KANK1: variants seen among roughly 807,000 people sequenced by gnomAD.
KANK1 encodes KN motif and ankyrin repeat domains 1, also known as KN motif and ankyrin repeat domain-containing protein 1.
A neutral mutation model predicts 106.2 loss-of-function variants in KANK1; 109 were observed. The ratio of observed to expected loss-of-function variants is 1.03; its 90% CI spans 0.88 to 1.20. The LOEUF (loss-of-function observed/expected upper bound fraction) is 1.20, where lower values mean the gene tolerates loss of function less well. Ranked by LOEUF, KANK1 falls within the 50% of genes most tolerant of loss-of-function variation. The pLI, the probability that KANK1 is intolerant of heterozygous loss-of-function variation, is 0.00. For missense variants in KANK1, 2,399 were observed against 1,710.7 expected, an observed-to-expected ratio of 1.40 and a Z score of -7.10; for synonymous variants, 873 against 652.2, an observed-to-expected ratio of 1.34 and a Z score of -5.16.
At chr9:579,631 G>T (rs561356501) in intron 1 of KANK1, among the ~76,000 whole-genome samples, 4 of 152,270 alleles carry the variant, frequency 2.6e-5, no homozygotes, top group Admixed American at 6.5e-5. Context: ...ATGTGGTCCA[G>T]TGAGCCATGG....
chr9:533,014 G>T (rs2060135767), intron 1 of KANK1, among the ~76,000 whole-genome samples: 1 of 152,262 alleles, frequency 6.6e-6, no homozygotes, highest in Non-Finnish European at 1.5e-5. Flanking sequence ...CAGTTTTGGA[G>T]TTGGATTTTG....
intron 3 of KANK1, chr9:495,129 TGTAA>T (rs900412292): frequency 2.0e-5 from 3 of 152,206 alleles, no homozygotes; most frequent in African/African-American, 7.2e-5. Flanking sequence ...GGAAAAATCC[TGTAA>T]GTAATTGCCT....
chr9:618,015 A>G (rs544652760), intron 1 of KANK1, among the ~76,000 whole-genome samples: 3 of 152,248 alleles, frequency 2.0e-5, no homozygotes, highest in East Asian at 1.9e-4. Flanking sequence ...AGTTTGGCCT[A>G]CCTGCCTCCT....
At chr9:674,056 C>T (rs771447073) in intron 1 of KANK1, 1 of 152,054 alleles carries the variant, frequency 6.6e-6, no homozygotes, top group Non-Finnish European at 1.5e-5. Context: ...AATGTATAGA[C>T]ATTCACTCCT....
Position 711,558 on chromosome 9 carries a change from C to T in KANK1, c.792C>T (p.Arg264=), listed in dbSNP as rs138368734. 1.7e-4 allele frequency: 280 copies of T among 1,613,816 alleles called. No homozygotes were observed. Among genetic ancestry groups the T allele is most frequent in the Non-Finnish European group, 2.3e-4 (267 of 1,179,850 alleles). The change falls in exon 3 of 12, where the codon CGC becomes CGT. Residue 264 remains arginine (R), a synonymous_variant. Coordinates refer to ENST00000382297, the MANE Select transcript of KANK1 (RefSeq NM_015158.5). ...NVSPMHLQHI[R]EQMAIALKRL... is the part of the protein sequence containing the mutation. ...GCCCCATGCACCTGCAGCACATCCG[C>T]GAGCAGATGGCCATTGCTCTGAAAC...
rs373825706 is a variant in KANK1, at chr9:507,551, G to A, written c.-84+2797G>A. ...ATTACAGGCACCTGCCACCATGCCC[G>A]GCTAATTTTTTTTTTTTTTTTTTTG... On this transcript the variant is annotated intron_variant, in intron 1 of 11. Transcript: ENST00000382297. Among the ~76,000 whole-genome samples the A allele has an allele frequency of 2.9e-3, 430 of 146,984 alleles. 6 individuals are homozygous for A. Among genetic ancestry groups the A allele is most frequent in the African/African-American group, 0.011 (410 of 38,164 alleles).
intron 2 of KANK1, among the ~76,000 whole-genome samples, chr9:678,597 G>A (rs141630490): frequency 7.6e-4 from 116 of 152,120 alleles, no homozygotes; most frequent in Middle Eastern, 3.4e-3. Context: ...GCATGGTGGC[G>A]CATGCCTGTA....
intron 7 of KANK1, among the ~76,000 whole-genome samples, chr9:736,980 G>A (rs977306092): frequency 7.2e-5 from 11 of 152,126 alleles, no homozygotes; most frequent in African/African-American, 9.7e-5. Context: ...CCAAATTGCC[G>A]AGCATGGTGT....
intron 3 of KANK1, among the ~76,000 whole-genome samples, chr9:492,597 A>G (rs991131313): frequency 2.6e-5 from 4 of 152,204 alleles, no homozygotes; most frequent in Admixed American, 6.5e-5. Flanking sequence ...TATAGAAAGT[A>G]CTAAGTAAAT....
At chr9:697,012 C>G (rs957933475) in intron 2 of KANK1, among the ~76,000 whole-genome samples, 1 of 152,190 alleles carries the variant, frequency 6.6e-6, no homozygotes, top group Admixed American at 6.5e-5. Context: ...AAAAAGAGCT[C>G]TCATGTCTTC....
At position 504,737 on chromosome 9, in the gene KANK1, T is replaced by G. The variant is rs1312125784; in HGVS notation, c.-101T>G. ...CGGAGCGAGCGAGCGGCCGGCAGGT[T>G]GGGAGGAGCGGCCGAAGGTGAGTGA... is the stretch of plus-strand genomic sequence containing the variant. On this transcript the variant is annotated 5_prime_UTR_variant, in exon 1 of 12. Transcript: ENST00000382297. 2 of 131,872 alleles carry G rather than the reference T, an allele frequency of 1.5e-5. No homozygotes were observed. The highest frequency in any genetic ancestry group is 3.3e-5 in the Non-Finnish European group (2 of 60,398). 8.2% of individuals were successfully genotyped at this position (131,872 alleles called of 1,614,324 possible).
chr9:548,551 A>C (rs996890354), intron 1 of KANK1, among the ~76,000 whole-genome samples: 2 of 152,226 alleles, frequency 1.3e-5, no homozygotes, highest in Non-Finnish European at 2.9e-5. Flanking sequence ...TTGTTTGCAC[A>C]AACAGATATT....
chr9:733,272 G>C (rs1832808393), intron 6 of KANK1: 1 of 152,150 alleles, frequency 6.6e-6, no homozygotes, highest in Non-Finnish European at 1.5e-5. Context: ...ACTTCAGTAT[G>C]GTTTTTCAGT....
At chr9:529,246 C>CAA (rs2059947746) in intron 1 of KANK1, among the ~76,000 whole-genome samples, 1 of 151,368 alleles carries the variant, frequency 6.6e-6, no homozygotes, top group African/African-American at 2.4e-5. Context: ...CACACACACA[C>CAA]ACACACACAT....
chr9:673,130 T>C (rs1815573852), intron 1 of KANK1, among the ~76,000 whole-genome samples: 1 of 149,550 alleles, frequency 6.7e-6, no homozygotes, highest in Non-Finnish European at 1.5e-5. Context: ...CTGAGAAAAA[T>C]CAATACACAA....
At chr9:654,220 C>G (rs1841575705) in intron 1 of KANK1, among the ~76,000 whole-genome samples, 1 of 152,212 alleles carries the variant, frequency 6.6e-6, no homozygotes, top group Admixed American at 6.5e-5. Context: ...CCAAGCATTT[C>G]TAATAAGTCC....
chr9:693,255 A>C (rs1354928306), intron 2 of KANK1, among the ~76,000 whole-genome samples: 1 of 152,190 alleles, frequency 6.6e-6, no homozygotes, highest in Non-Finnish European at 1.5e-5. Context: ...CCTCCATTCC[A>C]GCCTCGGTTC....
chr9:639,298 T>G (rs1422350012), intron 1 of KANK1, among the ~76,000 whole-genome samples: 2 of 152,134 alleles, frequency 1.3e-5, no homozygotes, highest in Non-Finnish European at 2.9e-5. Flanking sequence ...CATGGAGATT[T>G]GATCTTTGAT....
chr9:475,148 G>T (rs557660235), intron 3 of KANK1, among the ~76,000 whole-genome samples: 1 of 152,136 alleles, frequency 6.6e-6, no homozygotes, highest in African/African-American at 2.4e-5. Context: ...TGGGCAGGTG[G>T]GCTCAAGCAT....
Sources: allele counts gnomAD v4.1 joint callset (sites outside exome capture counted in the v4.1 genomes callset), GRCh38; gene constraint gnomAD v4.1.1; transcripts MANE v1.5; gene names NCBI Gene and HGNC (gene_info 2026-07-23, HGNC 2026-07-21).